Variants in SEL1L observed in about 807,000 individuals in gnomAD.
SEL1L encodes the protein protein sel-1 homolog 1.
SEL1L carries 52 observed loss-of-function variants against 109.8 expected under a neutral mutation model. The observed-to-expected ratio is 0.47, with a 90% confidence interval of 0.38 to 0.60. The LOEUF (loss-of-function observed/expected upper bound fraction) is 0.60. SEL1L is among the 20% of genes least tolerant of loss of function. The pLI, the probability that SEL1L is intolerant of heterozygous loss-of-function variation, is 0.00. For missense variants in SEL1L, 749 were observed against 962.2 expected (o/e 0.78, Z 2.93); for synonymous variants, 373 against 339.6 (o/e 1.10, Z -1.08).
intron 10 of SEL1L, 55 bp downstream of exon 10, chr14:81,497,837 C>T: frequency 6.6e-7 from 1 of 1,524,684 alleles, no homozygotes; most frequent in East Asian, 2.3e-5. Flanking sequence ...CCGTCCCCCA[C>T]AGATTAAAAT....
At chr14:81,527,361 T>C (rs1284661714) in intron 2 of SEL1L, among the ~76,000 whole-genome samples, 2 of 151,780 alleles carry the variant, frequency 1.3e-5, no homozygotes, top group African/African-American at 4.8e-5. Flanking sequence ...AATCAACCAA[T>C]AAGTGCATTA....
Position 81,495,151 on chromosome 14 carries a change from C to T in SEL1L, c.1129-14G>A. On this transcript the variant is annotated splice_polypyrimidine_tract_variant and intron_variant, in intron 10 of 20. Coordinates refer to ENST00000336735, the MANE Select transcript of SEL1L (RefSeq NM_005065.6). ...TCCAAGACCAACCTGAAAATGATCACAAACAAGGCAAAAGTAAGTGGTACC... is the reference window on the plus strand; with the variant it reads ...TCCAAGACCAACCTGAAAATGATCATAAACAAGGCAAAAGTAAGTGGTACC... 1 of 1,613,346 alleles carries T rather than the reference C, an allele frequency of 6.2e-7. No homozygotes were observed. Among genetic ancestry groups the T allele is most frequent in the Non-Finnish European group, 8.5e-7 (1 of 1,179,460 alleles).
chr14:81,475,435 C>A lies in SEL1L; in HGVS notation c.*1537G>T, dbSNP rs988699584. On this transcript the variant is annotated 3_prime_UTR_variant, in exon 21 of 21. Coordinates refer to ENST00000336735, the MANE Select transcript of SEL1L (RefSeq NM_005065.6). ...CATTATAGACTAGTTAAATCTAGTT[C>A]TAACTACTACCCCAACTTCAAAAAT... The A allele has an allele frequency of 6.6e-6, 1 of 152,542 alleles. No homozygotes were observed. Among genetic ancestry groups the A allele is most frequent in the African/African-American group, 2.4e-5 (1 of 41,430 alleles). 9.4% of individuals were successfully genotyped at this position (152,542 alleles called of 1,614,324 possible). A position where few individuals can be genotyped will look rare whatever the true frequency, so the allele number is the denominator to read the frequency against.
intron 3 of SEL1L, among the ~76,000 whole-genome samples, chr14:81,514,226 G>A (rs1256469535): frequency 6.6e-6 from 1 of 152,200 alleles, no homozygotes; most frequent in Non-Finnish European, 1.5e-5. Context: ...CCTCCTCAGG[G>A]TAGCAGGCCT....
rs1903027926 is a variant in SEL1L, at chr14:81,472,058, C to T, written c.*4914G>A. The T allele has an allele frequency of 6.6e-6, 1 of 152,216 alleles. No homozygotes were observed. The highest frequency in any genetic ancestry group is 2.4e-5 in the African/African-American group (1 of 41,448). The allele number at this position is 152,216 out of a possible 1,614,324, so 9.4% of individuals were successfully genotyped here. ...TAAGCATACTTCCAAGCTGGTATAA[C>T]CAACCTAAACTAGCATCATAAAGGA... On this transcript the variant is annotated 3_prime_UTR_variant, in exon 21 of 21. Coordinates refer to ENST00000336735, the MANE Select transcript of SEL1L (RefSeq NM_005065.6).
chr14:81,492,374 T>C (rs1299221459), intron 12 of SEL1L, 106 bp downstream of exon 12: 2 of 850,600 alleles, frequency 2.4e-6, no homozygotes, highest in African/African-American at 3.4e-5. Context: ...ACTAGAAATC[T>C]TATTTCCAAT....
intron 10 of SEL1L, among the ~76,000 whole-genome samples, chr14:81,496,966 G>A (rs1050634030): frequency 6.6e-6 from 1 of 152,124 alleles, no homozygotes; most frequent in African/African-American, 2.4e-5. Flanking sequence ...ACCACTACAA[G>A]AGTAGCATCA....
At chr14:81,498,139 G>A (rs560833877) in intron 9 of SEL1L, 93 bp from the exon 10 acceptor site, 73 of 1,286,102 alleles carry the variant, frequency 5.7e-5, no homozygotes, top group East Asian at 1.7e-4. Flanking sequence ...AAACGTTGAC[G>A]AACACATTGT....
chr14:81,477,053 G>A lies in SEL1L; in HGVS notation c.2304C>T (p.Asp768=), dbSNP rs1047013198. 1.2e-6 allele frequency: 2 copies of A among 1,614,126 alleles called. No homozygotes were observed. The highest frequency in any genetic ancestry group is 2.7e-5 in the African/African-American group (2 of 74,944). The change falls in exon 21 of 21, where the codon GAC becomes GAT. Residue 768 remains aspartate, a synonymous_variant. Transcript: ENST00000336735. Reference sequence around the variant, plus strand: ...GCCCTGGAGGCCTGGGTGCAGGCATGTCTTGGTGCTGCCTTTGCCTGTAAG... The same window carrying A: ...GCCCTGGAGGCCTGGGTGCAGGCATATCTTGGTGCTGCCTTTGCCTGTAAG... ...VIAYRQRQHQ[D]MPAPRPPGPR...
chr14:81,513,855 C>G (rs1283438723), intron 3 of SEL1L, among the ~76,000 whole-genome samples: 1 of 152,180 alleles, frequency 6.6e-6, no homozygotes, highest in Non-Finnish European at 1.5e-5. Flanking sequence ...GAGAGGAAAG[C>G]CATTCAGCTC....
chr14:81,477,766 CTG>C (rs1566968777), intron 20 of SEL1L, among the ~76,000 whole-genome samples: 1 of 152,100 alleles, frequency 6.6e-6, no homozygotes, highest in Non-Finnish European at 1.5e-5. Flanking sequence ...TGAGCCGAGA[CTG>C]TGCCACTGCA....
At position 81,533,815 on chromosome 14, in the gene SEL1L, A is replaced by G. The variant is rs1595543891; in HGVS notation, c.-71T>C. On this transcript the variant is annotated 5_prime_UTR_variant, in exon 1 of 21. Coordinates refer to ENST00000336735, the MANE Select transcript of SEL1L (RefSeq NM_005065.6). ...CTCTGCCACCACGGACTCAGCCACC[A>G]CCGCCGCCTCGCCGCTGCTCTTCCT... The G allele has an allele frequency of 2.1e-6, 3 of 1,452,338 alleles. No homozygotes were observed. Among genetic ancestry groups the G allele is most frequent in the Non-Finnish European group, 2.9e-6 (3 of 1,050,196 alleles). 90.0% of individuals were successfully genotyped at this position (1,452,338 alleles called of 1,614,324 possible).
At chr14:81,517,256 A>G (rs1323523723) in intron 3 of SEL1L, among the ~76,000 whole-genome samples, 1 of 152,172 alleles carries the variant, frequency 6.6e-6, no homozygotes, top group African/African-American at 2.4e-5. Context: ...GACTGCTTTT[A>G]GTCCTGCTGG....
At chr14:81,514,253 G>A (rs905330555) in intron 3 of SEL1L, among the ~76,000 whole-genome samples, 6 of 152,194 alleles carry the variant, frequency 3.9e-5, no homozygotes, top group Non-Finnish European at 8.8e-5. Flanking sequence ...AGCTATTCCT[G>A]AAGCTAGGAT....
chr14:81,498,339 A>G, intron 9 of SEL1L, 74 bp downstream of exon 9: 1 of 1,258,580 alleles, frequency 7.9e-7, no homozygotes, highest in Non-Finnish European at 1.1e-6. Context: ...AAATAGAACA[A>G]TAAAAATAGA....
rs1329952156 is a variant in SEL1L at position 81,487,372 on chromosome 14, T to TAA, written c.1632+17_1632+18insTT. 2 of 1,555,712 alleles carry TAA rather than the reference T, an allele frequency of 1.3e-6. No homozygotes were observed. Among genetic ancestry groups the TAA allele is most frequent in the East Asian group, 4.6e-5 (2 of 43,244 alleles). On this transcript the variant is annotated intron_variant, in intron 16 of 20. Transcript: ENST00000336735. ...GCAAATCAACTCCCTACACACAAGC[T>TAA]GGTAGGAAAGACCTTACCTCCACTG...
intron 3 of SEL1L, among the ~76,000 whole-genome samples, chr14:81,524,344 TG>T (rs1885031710): frequency 6.6e-6 from 1 of 152,144 alleles, no homozygotes; most frequent in Non-Finnish European, 1.5e-5. Flanking sequence ...TGTCTCTCAA[TG>T]TAAAGCAACA....
intron 3 of SEL1L, 130 bp from the exon 4 acceptor site, chr14:81,506,371 T>C (rs907419884): frequency 5.4e-5 from 41 of 763,014 alleles, no homozygotes; most frequent in Non-Finnish European, 7.1e-5. Context: ...ACTGGGAACA[T>C]AAAAGGGCTA....
intron 19 of SEL1L, among the ~76,000 whole-genome samples, chr14:81,480,179 C>G (rs895712540): frequency 9.2e-5 from 14 of 151,976 alleles, no homozygotes; most frequent in Non-Finnish European, 1.9e-4. Flanking sequence ...ATGACAGGCA[C>G]GGTGGCTCAT....
Sources: gnomAD v4.1 joint callset for allele counts (sites outside exome capture counted in the v4.1 genomes callset) on GRCh38, gnomAD v4.1.1 for gene constraint, MANE v1.5 for transcripts, NCBI Gene and HGNC (gene_info 2026-07-23, HGNC 2026-07-21) for gene names.